GRM7: variants seen among roughly 807,000 people sequenced by gnomAD.
The protein encoded by GRM7 is metabotropic glutamate receptor 7.
In GRM7, 35 loss-of-function variants were observed where a neutral mutation model predicts 84.5. That is an observed-to-expected ratio of 0.41 (90% CI 0.32 to 0.55). The LOEUF is 0.55. Among genes scored for constraint, GRM7 ranks in the 20% least tolerant of loss-of-function variants. The pLI is 0.19. For synonymous variants in GRM7, 487 were observed against 455.1 expected (o/e 1.07, Z -0.89); for missense variants, 1,003 against 1,194.6 (o/e 0.84, Z 2.36).
At chr3:7,506,695 C>A (rs1265199143) in intron 7 of GRM7, among the ~76,000 whole-genome samples, 2 of 152,204 alleles carry the variant, frequency 1.3e-5, no homozygotes, top group South Asian at 4.1e-4. Flanking sequence ...GGCATAAAGG[C>A]TCTTGGCAAA....
chr3:7,218,249 A>C (rs981523243), intron 2 of GRM7, among the ~76,000 whole-genome samples: 1 of 152,162 alleles, frequency 6.6e-6, no homozygotes, highest in African/African-American at 2.4e-5. Flanking sequence ...TAACTTACTG[A>C]CTAAATGGTG....
At chr3:7,317,438 G>A (rs1487739977) in intron 4 of GRM7, among the ~76,000 whole-genome samples, 1 of 152,134 alleles carries the variant, frequency 6.6e-6, no homozygotes, top group Admixed American at 6.6e-5. Context: ...ATGAGGTCAT[G>A]TTGAGACATA....
At chr3:7,229,893 G>A (rs1362265970) in intron 2 of GRM7, among the ~76,000 whole-genome samples, 3 of 125,410 alleles carry the variant, frequency 2.4e-5, no homozygotes, top group Non-Finnish European at 4.8e-5. Context: ...AGGATGGAGT[G>A]CAGCGGGGCG....
intron 1 of GRM7, among the ~76,000 whole-genome samples, chr3:6,995,508 T>C (rs1296466581): frequency 6.6e-6 from 1 of 152,224 alleles, no homozygotes; most frequent in East Asian, 1.9e-4. Flanking sequence ...ACTATTACAC[T>C]TTACAAAGGA....
At chr3:7,676,951 G>A (rs1381026629) in intron 8 of GRM7, among the ~76,000 whole-genome samples, 1 of 151,990 alleles carries the variant, frequency 6.6e-6, no homozygotes, top group Non-Finnish European at 1.5e-5. Flanking sequence ...GTCATTAAGT[G>A]ATGCATGACT....
intron 2 of GRM7, among the ~76,000 whole-genome samples, chr3:7,235,357 GGGT>G (rs1697316821): frequency 6.6e-6 from 1 of 152,150 alleles, no homozygotes; most frequent in Non-Finnish European, 1.5e-5. Flanking sequence ...TCCATACCAT[GGGT>G]GAGTACAGAA....
At position 7,145,420 on chromosome 3, in the gene GRM7, G is replaced by C. The variant is rs1694077263; in HGVS notation, c.520-1032G>C. Among the ~76,000 whole-genome samples, 5 of 152,252 alleles carry C rather than the reference G, an allele frequency of 3.3e-5. No homozygotes were observed. The South Asian group carries it at 1.0e-3, about 32-fold the overall frequency. The stretch of plus-strand genomic sequence containing the variant: ...AACTAGCATAGGAGTTCTGAAGTTA[G>C]GGACTAAGCCAGATTTCTCATCTGT... On this transcript the variant is annotated intron_variant, in intron 1 of 9. Coordinates refer to ENST00000357716, the MANE Select transcript of GRM7 (RefSeq NM_000844.4).
At chr3:7,692,806 G>C (rs1277155559) in intron 9 of GRM7, among the ~76,000 whole-genome samples, 1 of 152,056 alleles carries the variant, frequency 6.6e-6, no homozygotes. Flanking sequence ...ATTGAATAGG[G>C]TAAAATGTCT....
chr3:7,471,641 AC>A (rs1314533689), intron 7 of GRM7, among the ~76,000 whole-genome samples: 1 of 152,170 alleles, frequency 6.6e-6, no homozygotes, highest in Non-Finnish European at 1.5e-5. Flanking sequence ...TATTGGGTCC[AC>A]CTAGATAATT....
chr3:6,963,759 T>C (rs1412500373), intron 1 of GRM7, among the ~76,000 whole-genome samples: 1 of 152,196 alleles, frequency 6.6e-6, no homozygotes, highest in Non-Finnish European at 1.5e-5. Context: ...TGTAAAATAG[T>C]GGTGTGACTT....
intron 2 of GRM7, among the ~76,000 whole-genome samples, chr3:7,260,123 C>A (rs1698365026): frequency 6.6e-6 from 1 of 151,734 alleles, no homozygotes; most frequent in Non-Finnish European, 1.5e-5. Context: ...ATGCCCTCTG[C>A]CCACTTTTCA....
At chr3:7,500,719 T>C (rs1024094591) in intron 7 of GRM7, among the ~76,000 whole-genome samples, 2 of 152,244 alleles carry the variant, frequency 1.3e-5, no homozygotes, top group Non-Finnish European at 2.9e-5. Flanking sequence ...CTGACATGAG[T>C]TGAGCCACAT....
Position 7,479,829 on chromosome 3 carries a change from T to C in GRM7, c.1515+18107T>C, listed in dbSNP as rs184349346. 6.6e-5 allele frequency among the ~76,000 whole-genome samples: 10 copies of C among 152,256 alleles called. No homozygotes were observed. In the East Asian group the frequency reaches 1.4e-3, roughly 21 times the overall value. On this transcript the variant is annotated intron_variant, in intron 7 of 9. Transcript: ENST00000357716. Reference sequence around the variant, plus strand: ...CTCTGTAGTTCACAGTCATAACTGCTATGCATGCTGACTCTCCATCTGTAA... The same window carrying C: ...CTCTGTAGTTCACAGTCATAACTGCCATGCATGCTGACTCTCCATCTGTAA...
intron 1 of GRM7, among the ~76,000 whole-genome samples, chr3:6,868,985 G>A (rs1695027108): frequency 6.6e-6 from 1 of 151,970 alleles, no homozygotes. Flanking sequence ...CACTTAAAGG[G>A]CTCAGTGTAG....
At chr3:7,032,661 G>T (rs895662183) in intron 1 of GRM7, among the ~76,000 whole-genome samples, 3 of 152,058 alleles carry the variant, frequency 2.0e-5, no homozygotes, top group African/African-American at 4.8e-5. Flanking sequence ...GCATGAGTTT[G>T]TCATAGGAAG....
intron 9 of GRM7, among the ~76,000 whole-genome samples, chr3:7,734,490 TG>T: frequency 6.6e-6 from 1 of 152,342 alleles, no homozygotes. Flanking sequence ...GTGTTTAATA[TG>T]TGTTAAGTAA....
rs552609413 is a variant in GRM7 at position 7,342,994 on chromosome 3, C to A, written c.1033+36342C>A. On this transcript the variant is annotated intron_variant, in intron 4 of 9. Transcript: ENST00000357716. ...CAGATGTTAAGTACTTTAAAAAGGACCTAGAACTTAGAAGCTTCACCCAAA... is the reference window on the plus strand; with the variant it reads ...CAGATGTTAAGTACTTTAAAAAGGAACTAGAACTTAGAAGCTTCACCCAAA... Among the ~76,000 whole-genome samples, 3 of 152,188 alleles carry A rather than the reference C, an allele frequency of 2.0e-5. No homozygotes were observed. In the East Asian group the frequency reaches 5.8e-4, roughly 29 times the overall value.
At chr3:7,572,272 C>A (rs1332680306) in intron 7 of GRM7, among the ~76,000 whole-genome samples, 1 of 152,186 alleles carries the variant, frequency 6.6e-6, no homozygotes, top group Non-Finnish European at 1.5e-5. Context: ...CTTTGAAACA[C>A]ACTAATGCCT....
intron 5 of GRM7, among the ~76,000 whole-genome samples, chr3:7,451,435 T>C (rs1320574452): frequency 1.3e-5 from 2 of 152,154 alleles, no homozygotes; most frequent in African/African-American, 4.8e-5. Flanking sequence ...GAATTAAGTA[T>C]GATGGTGAAA....
Sources: gnomAD v4.1 joint callset for allele counts (sites outside exome capture counted in the v4.1 genomes callset) on GRCh38, gnomAD v4.1.1 for gene constraint, MANE v1.5 for transcripts, NCBI Gene and HGNC (gene_info 2026-07-23, HGNC 2026-07-21) for gene names.